The following GABRG3 variants were observed in gnomAD, a reference collection of about 807,000 sequenced individuals.
GABRG3 encodes the protein gamma-aminobutyric acid type A receptor subunit gamma3.
Under a neutral mutation model 48.8 loss-of-function variants are expected in GABRG3, and 25 were observed. That is an observed-to-expected ratio of 0.51 (90% CI 0.37 to 0.72). GABRG3 has a LOEUF of 0.72. Ranked by LOEUF, GABRG3 falls within the 30% of genes least tolerant of loss-of-function variation. GABRG3 has a pLI of 0.00. For synonymous variants in GABRG3, 227 were observed against 217.6 expected (o/e 1.04, Z -0.38); for missense variants, 394 against 577.9 (o/e 0.68, Z 3.26).
intron 3 of GABRG3, among the ~76,000 whole-genome samples, chr15:27,246,141 C>T (rs949040191): frequency 4.6e-5 from 7 of 152,234 alleles, no homozygotes; most frequent in Admixed American, 6.5e-5. Context: ...TCCAACACTG[C>T]GGATCATATT....
chr15:27,289,196 T>G (rs1891716777), intron 3 of GABRG3, among the ~76,000 whole-genome samples: 1 of 152,166 alleles, frequency 6.6e-6, no homozygotes, highest in African/African-American at 2.4e-5. Context: ...ATCTGTAACT[T>G]TTTTCCTTGA....
chr15:27,509,779 G>T (rs1366566620), intron 6 of GABRG3, among the ~76,000 whole-genome samples: 1 of 152,130 alleles, frequency 6.6e-6, no homozygotes. Context: ...CTTGCATGTT[G>T]CCTATTTCTC....
intron 5 of GABRG3, among the ~76,000 whole-genome samples, chr15:27,429,985 T>G (rs1359952883): frequency 1.3e-5 from 2 of 152,242 alleles, no homozygotes; most frequent in Non-Finnish European, 2.9e-5. Flanking sequence ...TTTGAGAAAT[T>G]ACCAGTGGCT....
At chr15:27,142,350 A>G (rs1898119676) in intron 3 of GABRG3, among the ~76,000 whole-genome samples, 1 of 152,186 alleles carries the variant, frequency 6.6e-6, no homozygotes, top group African/African-American at 2.4e-5. Context: ...AAGCCTCACA[A>G]TCATGGCAGA....
chr15:27,384,456 C>T (rs1004482902), intron 5 of GABRG3, among the ~76,000 whole-genome samples: 2 of 152,134 alleles, frequency 1.3e-5, no homozygotes, highest in Non-Finnish European at 1.5e-5. Flanking sequence ...CTTTTGAAAA[C>T]TACTAAGAAC....
chr15:27,383,301 A>T (rs112358499), intron 5 of GABRG3, among the ~76,000 whole-genome samples: 109 of 152,278 alleles, frequency 7.2e-4, no homozygotes, highest in African/African-American at 2.5e-3. Context: ...TTTCTATCAA[A>T]TTACCAAAGG....
chr15:27,444,393 ATAT>A (rs1888880734), intron 5 of GABRG3, among the ~76,000 whole-genome samples: 1 of 152,182 alleles, frequency 6.6e-6, no homozygotes, highest in Admixed American at 6.5e-5. Flanking sequence ...CCACTATTAA[ATAT>A]TATTTATTTT....
chr15:26,972,117 C>G (rs540213668), intron 1 of GABRG3, among the ~76,000 whole-genome samples: 1 of 152,068 alleles, frequency 6.6e-6, no homozygotes, highest in Non-Finnish European at 1.5e-5. Context: ...CCCTGCTTGT[C>G]TGGGAGGACT....
At chr15:27,204,178 T>C (rs908136681) in intron 3 of GABRG3, among the ~76,000 whole-genome samples, 1 of 152,138 alleles carries the variant, frequency 6.6e-6, no homozygotes, top group Non-Finnish European at 1.5e-5. Context: ...TATGTAGTTT[T>C]GGGTTTTACA....
At chr15:27,118,922 A>C (rs909570631) in intron 3 of GABRG3, among the ~76,000 whole-genome samples, 1 of 152,184 alleles carries the variant, frequency 6.6e-6, no homozygotes, top group Non-Finnish European at 1.5e-5. Context: ...ATCAGTACAC[A>C]CTGCCCCAAA....
chr15:27,292,030 A>G (rs1891809959), intron 3 of GABRG3, among the ~76,000 whole-genome samples: 1 of 152,160 alleles, frequency 6.6e-6, no homozygotes, highest in Non-Finnish European at 1.5e-5. Flanking sequence ...GAGTGAGAAC[A>G]TGTGGTGTTT....
intron 5 of GABRG3, among the ~76,000 whole-genome samples, chr15:27,384,689 A>G (rs1895871845): frequency 6.6e-6 from 1 of 152,216 alleles, no homozygotes; most frequent in Admixed American, 6.5e-5. Context: ...AATGTTAAAT[A>G]GGAAAAAGTG....
chr15:27,211,991 TGAA>T (rs1595588833), intron 3 of GABRG3, among the ~76,000 whole-genome samples: 1 of 152,306 alleles, frequency 6.6e-6, no homozygotes, highest in Admixed American at 6.5e-5. Context: ...CCAGCTACAG[TGAA>T]GAAGAATTTC....
At chr15:27,439,981 C>A (rs570811362) in intron 5 of GABRG3, among the ~76,000 whole-genome samples, 1 of 152,298 alleles carries the variant, frequency 6.6e-6, no homozygotes, top group African/African-American at 2.4e-5. Context: ...TTATGCCTGT[C>A]TGTGGCCTAT....
At chr15:27,375,641 A>G (rs1895570768) in intron 5 of GABRG3, among the ~76,000 whole-genome samples, 1 of 152,210 alleles carries the variant, frequency 6.6e-6, no homozygotes, top group Non-Finnish European at 1.5e-5. Context: ...GGAGCAGACA[A>G]GAGAAGACAG....
rs562916834 is a variant in GABRG3, at chr15:27,499,329, T to C, written c.712+18542T>C. Among the ~76,000 whole-genome samples the C allele has an allele frequency of 7.2e-5, 11 of 152,182 alleles. No homozygotes were observed. In the South Asian group the frequency reaches 2.1e-3, roughly 29 times the overall value. ...AAACAAAACACAGTGCATGGGGAGA[T>C]TGGCCTCCTGACGCCCTCCTGTCCA... On this transcript the variant is annotated intron_variant, in intron 6 of 9. Coordinates refer to ENST00000615808, the MANE Select transcript of GABRG3 (RefSeq NM_033223.5).
At chr15:27,274,059 G>T (rs1320412066) in intron 3 of GABRG3, among the ~76,000 whole-genome samples, 1 of 152,144 alleles carries the variant, frequency 6.6e-6, no homozygotes, top group Non-Finnish European at 1.5e-5. Context: ...CCTTCCATAG[G>T]CTGCCTGAGC....
chr15:27,474,793 T>C (rs575712521), intron 5 of GABRG3, among the ~76,000 whole-genome samples: 1 of 152,186 alleles, frequency 6.6e-6, no homozygotes, highest in Admixed American at 6.5e-5. Flanking sequence ...CAATAAGCAG[T>C]TTGGAAACAA....
chr15:27,295,290 T>C (rs916969623), intron 3 of GABRG3: 3 of 152,216 alleles, frequency 2.0e-5, no homozygotes, highest in Non-Finnish European at 4.4e-5. Flanking sequence ...AAGTACATGG[T>C]TGCCTTGCAT....
Sources: gnomAD v4.1 joint callset for allele counts (sites outside exome capture counted in the v4.1 genomes callset) on GRCh38, gnomAD v4.1.1 for gene constraint, MANE v1.5 for transcripts, NCBI Gene and HGNC (gene_info 2026-07-23, HGNC 2026-07-21) for gene names.